Variants in SLC25A24 observed in about 807,000 individuals in gnomAD.
The protein encoded by SLC25A24 is mitochondrial adenyl nucleotide antiporter SLC25A24.
SLC25A24 carries 49 observed loss-of-function variants against 60.7 expected under a neutral mutation model. The observed-to-expected ratio is 0.81, with a 90% CI of 0.64 to 1.02. The LOEUF is 1.02. Ranked by LOEUF, SLC25A24 falls within the 50% of genes least tolerant of loss-of-function variation. SLC25A24 has a pLI of 0.00. For synonymous variants in SLC25A24, 202 were observed against 200.6 expected, an observed-to-expected ratio of 1.01 and a Z score of -0.06; for missense variants, 564 against 586.3, an observed-to-expected ratio of 0.96 and a Z score of 0.39.
chr1:108,197,632 T>C (rs1648531946), intron 1 of SLC25A24, among the ~76,000 whole-genome samples: 1 of 152,210 alleles, frequency 6.6e-6, no homozygotes, highest in Admixed American at 6.5e-5. Flanking sequence ...GATGCCCAGA[T>C]AACTGGTAAA....
intron 3 of SLC25A24, among the ~76,000 whole-genome samples, chr1:108,167,942 T>C (rs1454598850): frequency 6.6e-6 from 1 of 152,216 alleles, no homozygotes; most frequent in Non-Finnish European, 1.5e-5. Context: ...ATCTGTTTTC[T>C]CCTAAGAGAA....
At chr1:108,153,365 T>C (rs1029684214) in intron 6 of SLC25A24, among the ~76,000 whole-genome samples, 5 of 152,206 alleles carry the variant, frequency 3.3e-5, no homozygotes, top group African/African-American at 1.2e-4. Flanking sequence ...GTGACCTAGT[T>C]ACATACTCTG....
rs190398896 is a variant in SLC25A24, at chr1:108,142,650, G to T, written c.1098+893C>A. 8.5e-5 allele frequency among the ~76,000 whole-genome samples: 13 copies of T among 152,230 alleles called. No homozygotes were observed. The East Asian group carries it at 1.7e-3, about 20-fold the overall frequency. ...TAGGAAGTTATTGCTTAAAGGTTAA[G>T]GTGTTTCTGTTTGGAGTGAGGAAAA... is the stretch of plus-strand genomic sequence containing the variant. On this transcript the variant is annotated intron_variant, in intron 8 of 9. Coordinates refer to ENST00000565488, the MANE Select transcript of SLC25A24 (RefSeq NM_013386.5).
At chr1:108,139,661 C>T (rs963590289) in intron 8 of SLC25A24, among the ~76,000 whole-genome samples, 1 of 152,084 alleles carries the variant, frequency 6.6e-6, no homozygotes, top group African/African-American at 2.4e-5. Flanking sequence ...GAGTCTCGCT[C>T]TTGTCACCCA....
At chr1:108,144,241 T>C (rs1480358892) in intron 7 of SLC25A24, among the ~76,000 whole-genome samples, 1 of 152,164 alleles carries the variant, frequency 6.6e-6, no homozygotes, top group Non-Finnish European at 1.5e-5. Flanking sequence ...GTATTTATCT[T>C]GCTTAAGTCA....
intron 6 of SLC25A24, among the ~76,000 whole-genome samples, chr1:108,154,552 C>A (rs1679840295): frequency 6.6e-6 from 1 of 152,130 alleles, no homozygotes; most frequent in African/African-American, 2.4e-5. Flanking sequence ...GAAGCCACGC[C>A]CCTGCCTTCA....
chr1:108,175,569 G>A (rs1469626846), intron 3 of SLC25A24, among the ~76,000 whole-genome samples: 3 of 152,096 alleles, frequency 2.0e-5, no homozygotes, highest in Non-Finnish European at 4.4e-5. Context: ...GTGGTACAAT[G>A]CCTGTAGTCC....
At chr1:108,160,713 CG>C (rs1167486668) in intron 4 of SLC25A24, among the ~76,000 whole-genome samples, 2 of 152,220 alleles carry the variant, frequency 1.3e-5, no homozygotes, top group Non-Finnish European at 2.9e-5. Flanking sequence ...CTCGGGAGGC[CG>C]AGGCTGGTGG....
intron 1 of SLC25A24, chr1:108,198,605 C>G (rs950179955): frequency 6.6e-6 from 1 of 152,196 alleles, no homozygotes; most frequent in Non-Finnish European, 1.5e-5. Flanking sequence ...GATGCAGTTA[C>G]GTAAAAATGG....
intron 3 of SLC25A24, among the ~76,000 whole-genome samples, chr1:108,177,338 G>A (rs758535012): frequency 6.6e-6 from 1 of 151,932 alleles, no homozygotes; most frequent in Non-Finnish European, 1.5e-5. Flanking sequence ...GACAGCAAGA[G>A]AGGAAGAAAA....
intron 5 of SLC25A24, among the ~76,000 whole-genome samples, chr1:108,156,587 TACAG>T (rs1679905778): frequency 6.6e-6 from 1 of 152,228 alleles, no homozygotes; most frequent in Non-Finnish European, 1.5e-5. Flanking sequence ...TACAGAAATC[TACAG>T]ACAAATATAA....
chr1:108,143,611 A>ACAAAAACATAGCCTAC lies in SLC25A24; in HGVS notation c.1029_1030insGTAGGCTATGTTTTTG (p.Tyr344ValfsTer28). On this transcript the variant is annotated frameshift_variant, in exon 8 of 10. Coordinates refer to ENST00000565488, the MANE Select transcript of SLC25A24 (RefSeq NM_013386.5). LOFTEE classifies it high-confidence loss of function. ...AATAAATTGGGAACATAGCCTTTGT[A>ACAAAAACATAGCCTAC]AAAAGCTCCCAAGCCTTCATGTTTC... 1 of 1,613,756 alleles carries ACAAAAACATAGCCTAC rather than the reference A, an allele frequency of 6.2e-7. No homozygotes were observed. The highest frequency in any genetic ancestry group is 1.3e-5 in the African/African-American group (1 of 75,054).
At chr1:108,166,589 C>T (rs937120179) in intron 3 of SLC25A24, among the ~76,000 whole-genome samples, 8 of 152,216 alleles carry the variant, frequency 5.3e-5, no homozygotes, top group African/African-American at 1.9e-4. Context: ...ATCGCATCAG[C>T]TCCTGAGGCT....
intron 6 of SLC25A24, among the ~76,000 whole-genome samples, chr1:108,154,355 C>G (rs1376810279): frequency 6.6e-6 from 1 of 152,172 alleles, no homozygotes; most frequent in Non-Finnish European, 1.5e-5. Context: ...AACTCTAAAA[C>G]TTACCTCTGT....
chr1:108,180,092 G>A (rs977384717), intron 3 of SLC25A24, among the ~76,000 whole-genome samples: 5 of 152,048 alleles, frequency 3.3e-5, no homozygotes, highest in South Asian at 4.1e-4. Flanking sequence ...GGCTAGGTGC[G>A]GTGGCTCACT....
intron 3 of SLC25A24, 116 bp from the exon 4 acceptor site, chr1:108,161,409 A>T: frequency 1.6e-6 from 1 of 644,286 alleles, no homozygotes; most frequent in Non-Finnish European, 2.7e-6. Context: ...TCATTAAATT[A>T]AAAAACCCCA....
At chr1:108,151,692 A>T (rs1220160406) in intron 6 of SLC25A24, among the ~76,000 whole-genome samples, 2 of 152,166 alleles carry the variant, frequency 1.3e-5, no homozygotes, top group African/African-American at 4.8e-5. Flanking sequence ...CCAATGGCTC[A>T]ACTCAGCAAC....
At chr1:108,179,354 G>GA (rs1358744118) in intron 3 of SLC25A24, among the ~76,000 whole-genome samples, 12 of 152,064 alleles carry the variant, frequency 7.9e-5, no homozygotes, top group Middle Eastern at 3.4e-3. Flanking sequence ...ATTAAATATA[G>GA]AACTACCATA....
chr1:108,195,268 T>C (rs1648460190), intron 1 of SLC25A24, among the ~76,000 whole-genome samples: 3 of 152,126 alleles, frequency 2.0e-5, no homozygotes, highest in Admixed American at 6.5e-5. Context: ...GGCAATCATA[T>C]ACCAGGCAGA....
Sources: allele counts gnomAD v4.1 joint callset (sites outside exome capture counted in the v4.1 genomes callset), GRCh38; gene constraint gnomAD v4.1.1; transcripts MANE v1.5; gene names NCBI Gene and HGNC (gene_info 2026-07-23, HGNC 2026-07-21).